The following WDR59 variants were observed in gnomAD, a reference collection of about 807,000 sequenced individuals.
WDR59 encodes WD repeat domain 59.
Under a neutral mutation model 131.2 loss-of-function variants are expected in WDR59, and 100 were observed. The ratio of observed to expected loss-of-function variants is 0.76; its 90% CI spans 0.65 to 0.90. The LOEUF (loss-of-function observed/expected upper bound fraction) is 0.90, where lower values mean the gene tolerates loss of function less well. WDR59 is among the 40% of genes least tolerant of loss of function. The probability of loss-of-function intolerance (pLI) is 0.00; values close to 1 mark genes in which losing one functional copy is unlikely to be tolerated. For synonymous variants in WDR59, 601 were observed against 466.2 expected (o/e 1.29, Z -3.72); for missense variants, 1,203 against 1,262.2 (o/e 0.95, Z 0.71).
intron 14 of WDR59, among the ~76,000 whole-genome samples, chr16:74,910,278 T>G (rs1424451569): frequency 6.6e-6 from 1 of 152,088 alleles, no homozygotes; most frequent in African/African-American, 2.4e-5. Context: ...CTGATTGGCT[T>G]TTCTTCTGCA....
At chr16:74,877,822 G>A (rs1964289029) in intron 25 of WDR59, among the ~76,000 whole-genome samples, 2 of 152,194 alleles carry the variant, frequency 1.3e-5, no homozygotes, top group Admixed American at 6.5e-5. Context: ...TAGGATTACA[G>A]GCGTGAGCCA....
At chr16:74,892,687 C>G in intron 19 of WDR59, 122 bp from the exon 20 acceptor site, 1 of 830,966 alleles carries the variant, frequency 1.2e-6, no homozygotes, top group Non-Finnish European at 1.9e-6. Flanking sequence ...TGTTTTATTC[C>G]GCGTTGGCCT....
At chr16:74,959,036 G>A (rs985075167) in intron 2 of WDR59, among the ~76,000 whole-genome samples, 4 of 152,118 alleles carry the variant, frequency 2.6e-5, no homozygotes, top group Admixed American at 2.6e-4. Context: ...TCCAGCCCGG[G>A]CAACAAAAGC....
At chr16:74,977,601 T>C (rs925230219) in intron 1 of WDR59, among the ~76,000 whole-genome samples, 24 of 152,054 alleles carry the variant, frequency 1.6e-4, no homozygotes, top group African/African-American at 5.8e-4. Context: ...GGCAGGAGAA[T>C]GGCGTGAACC....
rs201309077 is a variant in WDR59, at chr16:74,946,735, AAAAG to A, written c.445+1780_445+1783del. 3.7e-3 allele frequency among the ~76,000 whole-genome samples: 567 copies of A among 152,208 alleles called. 4 individuals are homozygous for A. The highest frequency in any genetic ancestry group is 0.013 in the African/African-American group (532 of 41,516). On this transcript the variant is annotated intron_variant, in intron 6 of 25. Coordinates refer to ENST00000262144, the MANE Select transcript of WDR59 (RefSeq NM_030581.4). ...GAGGATCTGTCTCAAAAAAAAAGAA[AAAAG>A]AAAGAAAGAAGTGGTTTCTAACTTC...
At position 74,985,032 on chromosome 16, in the gene WDR59, C is replaced by G; in HGVS notation, c.-15G>C. Reference sequence around the variant, plus strand: ...CGCGCCGCCATCTCCCCCGCCCGGCCGCCGCGGCCCCAGGACGGCGCCCTC... The same window carrying G: ...CGCGCCGCCATCTCCCCCGCCCGGCGGCCGCGGCCCCAGGACGGCGCCCTC... On this transcript the variant is annotated 5_prime_UTR_variant, in exon 1 of 26. Transcript: ENST00000262144. 1 of 1,564,034 alleles carries G rather than the reference C, an allele frequency of 6.4e-7. No individual in the cohort carries two copies. The highest frequency in any genetic ancestry group is 8.7e-7 in the Non-Finnish European group (1 of 1,153,844).
chr16:74,937,733 C>T (rs1296397661), intron 8 of WDR59, among the ~76,000 whole-genome samples: 1 of 152,116 alleles, frequency 6.6e-6, no homozygotes, highest in Non-Finnish European at 1.5e-5. Flanking sequence ...AACTCCTGAC[C>T]TTAAGTGATC....
intron 21 of WDR59, 132 bp from the exon 22 acceptor site, chr16:74,888,451 A>T (rs1371247689): frequency 1.0e-6 from 1 of 957,976 alleles, no homozygotes; most frequent in Non-Finnish European, 1.5e-6. Flanking sequence ...AAAACCCATC[A>T]GGAAATGGGG....
At chr16:74,875,182 G>A (rs996360692) in intron 25 of WDR59, among the ~76,000 whole-genome samples, 1 of 152,192 alleles carries the variant, frequency 6.6e-6, no homozygotes, top group African/African-American at 2.4e-5. Context: ...CCCAAGTCAG[G>A]ACACCGGGAT....
At chr16:74,950,123 C>A (rs550189678) in intron 4 of WDR59, among the ~76,000 whole-genome samples, 143 of 152,154 alleles carry the variant, frequency 9.4e-4, no homozygotes, top group Non-Finnish European at 1.7e-3. Context: ...GGGCAGATCA[C>A]TTGAGGTCAC....
chr16:74,884,857 G>A (rs1439149779), intron 25 of WDR59, among the ~76,000 whole-genome samples: 1 of 152,146 alleles, frequency 6.6e-6, no homozygotes, highest in Non-Finnish European at 1.5e-5. Flanking sequence ...TGGCTCCACG[G>A]TTCCTTTAAA....
Position 74,912,343 on chromosome 16 carries a change from C to T in WDR59, c.1244G>A (p.Ser415Asn). The T allele has an allele frequency of 6.2e-7, 1 of 1,613,468 alleles. No homozygotes were observed. Among genetic ancestry groups the T allele is most frequent in the Non-Finnish European group, 8.5e-7 (1 of 1,179,718 alleles). The part of the protein sequence containing the change: ...VNVEMDAADR[S>N]CTVSVHCSNH... Reference sequence around the variant, plus strand: ...GCTGCAGTGCACAGACACTGTGCAGCTCCTGTCTGCCGCATCCATCTGCAA... The same window carrying T: ...GCTGCAGTGCACAGACACTGTGCAGTTCCTGTCTGCCGCATCCATCTGCAA... Residue 415 changes from serine (S) to asparagine (N), a missense_variant, in exon 14 of 26, where the codon AGC becomes AAC. Transcript: ENST00000262144.
intron 4 of WDR59, among the ~76,000 whole-genome samples, chr16:74,950,206 G>C (rs1232474439): frequency 6.6e-6 from 1 of 152,088 alleles, no homozygotes; most frequent in African/African-American, 2.4e-5. Flanking sequence ...GCCAGGCGTG[G>C]TGGCACACAC....
chr16:74,941,331 G>T (rs1292169106), intron 7 of WDR59, among the ~76,000 whole-genome samples: 1 of 128,648 alleles, frequency 7.8e-6, no homozygotes, highest in Non-Finnish European at 1.6e-5. Flanking sequence ...ACAGAATGAG[G>T]CTCCATCTCA....
At chr16:74,977,949 T>G (rs1464785415) in intron 1 of WDR59, among the ~76,000 whole-genome samples, 1 of 152,182 alleles carries the variant, frequency 6.6e-6, no homozygotes, top group African/African-American at 2.4e-5. Flanking sequence ...GGCTCATGCC[T>G]GTAATCCCAA....
chr16:74,925,314 C>G (rs1567726022), intron 8 of WDR59, among the ~76,000 whole-genome samples: 2 of 152,158 alleles, frequency 1.3e-5, no homozygotes, highest in African/African-American at 4.8e-5. Context: ...GGCAGGCAGG[C>G]AGGCAGATCA....
intron 1 of WDR59, among the ~76,000 whole-genome samples, chr16:74,979,837 C>A (rs541786766): frequency 1.1e-4 from 11 of 96,162 alleles, no homozygotes; most frequent in Admixed American, 6.6e-4. Context: ...CCACACCCGG[C>A]CTTTTTTTTT....
At chr16:74,929,380 G>C (rs1001882525) in intron 8 of WDR59, among the ~76,000 whole-genome samples, 2 of 152,164 alleles carry the variant, frequency 1.3e-5, no homozygotes, top group Non-Finnish European at 2.9e-5. Flanking sequence ...CGGCTGAACA[G>C]ACATCTCTCA....
intron 18 of WDR59, among the ~76,000 whole-genome samples, chr16:74,897,441 T>C (rs1385202195): frequency 6.6e-6 from 1 of 152,214 alleles, no homozygotes; most frequent in Non-Finnish European, 1.5e-5. Context: ...GAAACAAACC[T>C]ACGTGACCCA....
Sources: gnomAD v4.1 joint callset for allele counts (sites outside exome capture counted in the v4.1 genomes callset) on GRCh38, gnomAD v4.1.1 for gene constraint, MANE v1.5 for transcripts, NCBI Gene and HGNC (gene_info 2026-07-23, HGNC 2026-07-21) for gene names.